Variants in DCC observed in about 807,000 individuals in gnomAD.
DCC encodes the protein netrin receptor DCC.
Under a neutral mutation model 172.5 loss-of-function variants are expected in DCC, and 58 were observed. That is an observed-to-expected ratio of 0.34 (90% CI 0.27 to 0.42). The LOEUF is 0.42. DCC is among the 10% of genes least tolerant of loss of function. DCC has a pLI of 1.00. For missense variants in DCC, 1,740 were observed against 1,791.0 expected, an observed-to-expected ratio of 0.97 and a Z score of 0.51; for synonymous variants, 709 against 644.5, an observed-to-expected ratio of 1.10 and a Z score of -1.52.
chr18:53,298,577 A>G (rs976449708), intron 12 of DCC, among the ~76,000 whole-genome samples: 1 of 149,034 alleles, frequency 6.7e-6, no homozygotes, highest in Admixed American at 6.7e-5. Flanking sequence ...AAGGTCACTC[A>G]GCAAAGTCAC....
chr18:53,246,176 T>C (rs1343811501), intron 12 of DCC, among the ~76,000 whole-genome samples: 1 of 152,094 alleles, frequency 6.6e-6, no homozygotes, highest in Non-Finnish European at 1.5e-5. Flanking sequence ...ACTACTGTTC[T>C]TAGAATCAGT....
chr18:52,938,625 G>A (rs10083942), intron 5 of DCC, among the ~76,000 whole-genome samples: 4,428 of 152,100 alleles, frequency 0.029, 85 homozygotes, highest in Middle Eastern at 0.071. Flanking sequence ...TCACAATTAA[G>A]TTAGCTTTGG....
At chr18:53,448,999 T>G (rs1315734391) in intron 22 of DCC, among the ~76,000 whole-genome samples, 2 of 152,268 alleles carry the variant, frequency 1.3e-5, no homozygotes, top group African/African-American at 4.8e-5. Flanking sequence ...CTGAGATGGT[T>G]GTTTTACATG....
At position 53,373,892 on chromosome 18, in the gene DCC, A is replaced by G. The variant is rs571908298; in HGVS notation, c.2360-12151A>G. Among the ~76,000 whole-genome samples the G allele has an allele frequency of 6.6e-4, 101 of 152,240 alleles. No individual in the cohort carries two copies. In the East Asian group the frequency reaches 0.018, roughly 27 times the overall value. On this transcript the variant is annotated intron_variant, in intron 15 of 28. Coordinates refer to ENST00000442544, the MANE Select transcript of DCC (RefSeq NM_005215.4). ...TTTTTGTTATCTTCAAGTGTGATAT[A>G]TGTATGCAAACTATTAAACTCCTAC...
chr18:53,136,206 T>TATCC (rs2043738886), intron 7 of DCC, among the ~76,000 whole-genome samples: 1 of 145,078 alleles, frequency 6.9e-6, no homozygotes, highest in Non-Finnish European at 1.5e-5. Context: ...TCTATCTATC[T>TATCC]ATCTATATAT....
intron 1 of DCC, among the ~76,000 whole-genome samples, chr18:52,680,662 G>C (rs1006927655): frequency 6.6e-6 from 1 of 152,094 alleles, no homozygotes; most frequent in Non-Finnish European, 1.5e-5. Context: ...ATTGCACATA[G>C]TGCAAACCCA....
intron 1 of DCC, among the ~76,000 whole-genome samples, chr18:52,670,286 G>A (rs1025048267): frequency 2.0e-5 from 3 of 152,120 alleles, no homozygotes; most frequent in African/African-American, 7.2e-5. Context: ...TCCAGAGCTA[G>A]AGAATACAGG....
intron 2 of DCC, among the ~76,000 whole-genome samples, chr18:52,822,003 A>G (rs1272146588): frequency 6.6e-6 from 1 of 152,220 alleles, no homozygotes; most frequent in Non-Finnish European, 1.5e-5. Context: ...CAGAGCCAGT[A>G]CAGCCTAAAA....
Position 52,907,523 on chromosome 18 carries a change from C to T in DCC, c.697+1195C>T, listed in dbSNP as rs150017713. Among the ~76,000 whole-genome samples, 76 of 152,000 alleles carry T rather than the reference C, an allele frequency of 5.0e-4. 1 individual carries two copies. The East Asian group carries it at 8.0e-3, about 16-fold the overall frequency. On this transcript the variant is annotated intron_variant, in intron 3 of 28. Coordinates refer to ENST00000442544, the MANE Select transcript of DCC (RefSeq NM_005215.4). ...CCTCAACTTCCCAGTCTCAGGTGTT[C>T]CTCCCACCTCAGCCTCAGTAGCTGG...
intron 1 of DCC, among the ~76,000 whole-genome samples, chr18:52,699,200 G>A (rs9959862): frequency 2.0e-4 from 31 of 152,004 alleles, no homozygotes; most frequent in Non-Finnish European, 5.9e-5. Context: ...GGGATGACAG[G>A]GTGCAAGATT....
intron 1 of DCC, among the ~76,000 whole-genome samples, chr18:52,680,230 G>A (rs1461006358): frequency 6.6e-6 from 1 of 152,054 alleles, no homozygotes; most frequent in East Asian, 1.9e-4. Context: ...AAACTTTTAA[G>A]CAGAGCATAG....
intron 7 of DCC, among the ~76,000 whole-genome samples, chr18:53,100,098 C>A (rs2144214024): frequency 6.6e-6 from 1 of 151,916 alleles, no homozygotes; most frequent in African/African-American, 2.4e-5. Flanking sequence ...AGGCAGGCAC[C>A]ACCACGCCTG....
intron 5 of DCC, among the ~76,000 whole-genome samples, chr18:53,018,911 T>G (rs550863280): frequency 6.6e-6 from 1 of 152,296 alleles, no homozygotes; most frequent in Admixed American, 6.5e-5. Flanking sequence ...TACAATGTTT[T>G]TTCAATGTCT....
chr18:52,896,695 A>G (rs2039736349), intron 2 of DCC, among the ~76,000 whole-genome samples: 1 of 152,224 alleles, frequency 6.6e-6, no homozygotes, highest in Non-Finnish European at 1.5e-5. Context: ...AATGCTTCCC[A>G]AAACTGCCTC....
At chr18:52,828,420 A>T (rs1250640624) in intron 2 of DCC, among the ~76,000 whole-genome samples, 1 of 152,034 alleles carries the variant, frequency 6.6e-6, no homozygotes, top group Non-Finnish European at 1.5e-5. Flanking sequence ...TTATAAAGTG[A>T]TGAAAAATAT....
chr18:52,841,936 T>C (rs576526190), intron 2 of DCC, among the ~76,000 whole-genome samples: 1 of 152,010 alleles, frequency 6.6e-6, no homozygotes, highest in African/African-American at 2.4e-5. Context: ...GGAACAAATA[T>C]GAGATATATC....
intron 5 of DCC, among the ~76,000 whole-genome samples, chr18:52,955,921 T>G (rs1202199414): frequency 6.6e-6 from 1 of 152,092 alleles, no homozygotes; most frequent in African/African-American, 2.4e-5. Flanking sequence ...TGCTTGTTAT[T>G]GTTGAGTTTT....
intron 2 of DCC, among the ~76,000 whole-genome samples, chr18:52,811,687 TATA>T (rs1032976507): frequency 3.3e-5 from 5 of 152,310 alleles, no homozygotes; most frequent in East Asian, 1.9e-4. Flanking sequence ...TATTATAAAT[TATA>T]AGAAGAGATC....
At chr18:52,423,376 A>G (rs1452440797) in intron 1 of DCC, among the ~76,000 whole-genome samples, 1 of 152,070 alleles carries the variant, frequency 6.6e-6, no homozygotes, top group Non-Finnish European at 1.5e-5. Context: ...GCAGATGGGA[A>G]GGAATTCTGA....
Sources: allele counts gnomAD v4.1 joint callset (sites outside exome capture counted in the v4.1 genomes callset), GRCh38; gene constraint gnomAD v4.1.1; transcripts MANE v1.5; gene names NCBI Gene and HGNC (gene_info 2026-07-23, HGNC 2026-07-21).